Variants in DGKI observed in about 807,000 individuals in gnomAD.
The protein encoded by DGKI is DAG kinase iota.
A neutral mutation model predicts 147.5 loss-of-function variants in DGKI; 55 were observed. The ratio of observed to expected loss-of-function variants is 0.37; its 90% confidence interval spans 0.30 to 0.47. The LOEUF is 0.47. Among genes scored for constraint, DGKI ranks in the 20% least tolerant of loss-of-function variants. The pLI is 1.00. For missense variants in DGKI, 1,007 were observed against 1,323.8 expected, an observed-to-expected ratio of 0.76 and a Z score of 3.71; for synonymous variants, 469 against 477.1, an observed-to-expected ratio of 0.98 and a Z score of 0.22.
intron 23 of DGKI, among the ~76,000 whole-genome samples, chr7:137,478,504 C>A (rs1469581744): frequency 6.6e-6 from 1 of 152,140 alleles, no homozygotes; most frequent in East Asian, 1.9e-4. Context: ...TGAATTTTCT[C>A]TAATTAGTGT....
intron 1 of DGKI, among the ~76,000 whole-genome samples, chr7:137,772,504 G>T (rs991728752): frequency 5.9e-5 from 9 of 152,076 alleles, no homozygotes; most frequent in African/African-American, 2.2e-4. Flanking sequence ...CACACATCTG[G>T]TTAGAAAAAA....
chr7:137,845,152 A>T (rs993392009), intron 1 of DGKI, among the ~76,000 whole-genome samples: 1 of 152,256 alleles, frequency 6.6e-6, no homozygotes, highest in Non-Finnish European at 1.5e-5. Context: ...AACAAAATGC[A>T]TGGGAGGAAC....
chr7:137,798,279 C>A (rs895934395), intron 1 of DGKI, among the ~76,000 whole-genome samples: 5 of 152,126 alleles, frequency 3.3e-5, no homozygotes, highest in Non-Finnish European at 7.4e-5. Flanking sequence ...GAATTCATAC[C>A]AATCATTCAT....
At chr7:137,565,587 G>A (rs557483647) in intron 19 of DGKI, among the ~76,000 whole-genome samples, 9 of 152,228 alleles carry the variant, frequency 5.9e-5, no homozygotes, top group Admixed American at 2.0e-4. Flanking sequence ...AAAGCTGGAC[G>A]TGCCTTCTTT....
At chr7:137,507,911 T>A (rs1183406328) in intron 21 of DGKI, among the ~76,000 whole-genome samples, 1 of 152,126 alleles carries the variant, frequency 6.6e-6, no homozygotes, top group African/African-American at 2.4e-5. Context: ...ATAAGGTGGT[T>A]TGACAAAAGG....
intron 1 of DGKI, among the ~76,000 whole-genome samples, chr7:137,742,545 C>A (rs534202042): frequency 6.6e-6 from 1 of 152,226 alleles, no homozygotes; most frequent in South Asian, 2.1e-4. Context: ...CACAAGAGAC[C>A]TTAATATGCA....
At chr7:137,616,083 A>C (rs1281381248) in intron 8 of DGKI, among the ~76,000 whole-genome samples, 1 of 152,166 alleles carries the variant, frequency 6.6e-6, no homozygotes, top group African/African-American at 2.4e-5. Context: ...TGATTCAGCA[A>C]GGCTGGCTAC....
intron 10 of DGKI, among the ~76,000 whole-genome samples, chr7:137,605,313 TATAAA>T (rs564995858): frequency 0.076 from 9,261 of 121,092 alleles, 397 homozygotes; most frequent in African/African-American, 0.12. Context: ...GTCTCAAAAA[TATAAA>T]ATAAAATAAA....
rs532831748 is a variant in DGKI, at chr7:137,718,398, G to T, written c.402-28396C>A. Among the ~76,000 whole-genome samples, 11 of 152,248 alleles carry T rather than the reference G, an allele frequency of 7.2e-5. No homozygotes were observed. In the South Asian group the frequency reaches 2.3e-3, roughly 32 times the overall value. Reference sequence around the variant, plus strand: ...GAGGAGAGATGCCCACCCTGCCAGGGGTGTAATGGGCATGCCAAACAGGGG... The same window carrying T: ...GAGGAGAGATGCCCACCCTGCCAGGTGTGTAATGGGCATGCCAAACAGGGG... On this transcript the variant is annotated intron_variant, in intron 1 of 32. Coordinates refer to ENST00000614521, the MANE Select transcript of DGKI (RefSeq NM_001321708.2).
At chr7:137,638,531 CACATATATGT>C (rs1821455706) in intron 6 of DGKI, among the ~76,000 whole-genome samples, 4 of 114,424 alleles carry the variant, frequency 3.5e-5, no homozygotes, top group East Asian at 2.8e-4. Context: ...TATATACACA[CACATATATGT>C]ATATATATGT....
intron 29 of DGKI, among the ~76,000 whole-genome samples, chr7:137,410,133 C>T (rs1374348985): frequency 3.3e-5 from 5 of 152,056 alleles, no homozygotes; most frequent in East Asian, 1.9e-4. Flanking sequence ...TGGCCAGGTG[C>T]GGTGGCTCAC....
chr7:137,700,210 A>G (rs1388507064), intron 1 of DGKI, among the ~76,000 whole-genome samples: 1 of 152,228 alleles, frequency 6.6e-6, no homozygotes, highest in Non-Finnish European at 1.5e-5. Flanking sequence ...GGAAGGAAAC[A>G]GAAGTCATCC....
chr7:137,407,852 G>A (rs779354085), intron 30 of DGKI, 23 bp downstream of exon 30: 1 of 1,612,260 alleles, frequency 6.2e-7, no homozygotes, highest in Non-Finnish European at 8.5e-7. Flanking sequence ...GTGATCCTTG[G>A]TAAGTTCACT....
intron 1 of DGKI, among the ~76,000 whole-genome samples, chr7:137,839,333 A>C (rs1232402359): frequency 6.6e-6 from 1 of 152,234 alleles, no homozygotes; most frequent in African/African-American, 2.4e-5. Flanking sequence ...AAATTTCTCA[A>C]GTCTATGTCT....
intron 1 of DGKI, among the ~76,000 whole-genome samples, chr7:137,752,358 G>C (rs923414197): frequency 1.3e-5 from 2 of 152,148 alleles, no homozygotes; most frequent in African/African-American, 2.4e-5. Flanking sequence ...GAAAAGGAAG[G>C]CCTCATATTT....
chr7:137,487,526 T>C, intron 22 of DGKI, 84 bp downstream of exon 22: 2 of 1,248,972 alleles, frequency 1.6e-6, no homozygotes, highest in Non-Finnish European at 1.2e-6. Context: ...AAATGCATCA[T>C]TTCAGAAGCA....
intron 20 of DGKI, among the ~76,000 whole-genome samples, chr7:137,526,460 C>T (rs1385161912): frequency 6.6e-6 from 1 of 151,562 alleles, no homozygotes; most frequent in Non-Finnish European, 1.5e-5. Flanking sequence ...GATTGAGATC[C>T]TTATGCAGAA....
chr7:137,604,804 A>C (rs1820117444), intron 10 of DGKI, among the ~76,000 whole-genome samples: 1 of 152,186 alleles, frequency 6.6e-6, no homozygotes, highest in South Asian at 2.1e-4. Context: ...AGCAGGAAAC[A>C]CTGAGAGATA....
chr7:137,709,144 AT>A (rs1794139991), intron 1 of DGKI, among the ~76,000 whole-genome samples: 1 of 152,206 alleles, frequency 6.6e-6, no homozygotes, highest in African/African-American at 2.4e-5. Flanking sequence ...ACTTTATATA[AT>A]AAAAATATTT....
Sources: allele counts gnomAD v4.1 joint callset (sites outside exome capture counted in the v4.1 genomes callset), GRCh38; gene constraint gnomAD v4.1.1; transcripts MANE v1.5; gene names NCBI Gene and HGNC (gene_info 2026-07-23, HGNC 2026-07-21).